The following ABCD2 variants were observed in gnomAD, a reference collection of about 807,000 sequenced individuals.
The protein encoded by ABCD2 is ATP binding cassette subfamily D member 2, also known as ATP-binding cassette sub-family D member 2.
In ABCD2, 36 loss-of-function variants were observed where a neutral mutation model predicts 70.9. The observed-to-expected ratio is 0.51, with a 90% CI of 0.39 to 0.67. The LOEUF (loss-of-function observed/expected upper bound fraction) is 0.67, where lower values mean the gene tolerates loss of function less well. Ranked by LOEUF, ABCD2 falls within the 30% of genes least tolerant of loss-of-function variation. ABCD2 has a pLI of 0.00. For synonymous variants in ABCD2, 304 were observed against 306.9 expected (o/e 0.99, Z 0.10); for missense variants, 729 against 890.2 (o/e 0.82, Z 2.30).
chr12:39,575,976 C>G (rs1004006078), intron 8 of ABCD2, among the ~76,000 whole-genome samples: 2 of 152,148 alleles, frequency 1.3e-5, no homozygotes, highest in Non-Finnish European at 2.9e-5. Context: ...CTATTTATTA[C>G]AAGGTTTATT....
chr12:39,563,436 G>A (rs1441395919), intron 9 of ABCD2, among the ~76,000 whole-genome samples: 13 of 151,932 alleles, frequency 8.6e-5, no homozygotes, highest in Admixed American at 7.9e-4. Context: ...TGTAAGATAC[G>A]GAACAAGGTA....
At chr12:39,579,976 A>G (rs1038831844) in intron 7 of ABCD2, among the ~76,000 whole-genome samples, 2 of 152,230 alleles carry the variant, frequency 1.3e-5, no homozygotes, top group African/African-American at 4.8e-5. Context: ...TGTCAATTAC[A>G]AAGTCTACAA....
downstream of ABCD2, among the ~76,000 whole-genome samples, chr12:39,548,779 T>G (rs1941051185): frequency 6.6e-6 from 1 of 151,928 alleles, no homozygotes; most frequent in African/African-American, 2.4e-5. Flanking sequence ...TTAATATTAT[T>G]TCATGTTTAT....
At chr12:39,607,512 A>G in intron 3 of ABCD2, 87 bp downstream of exon 3, 2 of 1,136,722 alleles carry the variant, frequency 1.8e-6, no homozygotes, top group South Asian at 1.4e-5. Context: ...TATGTTTCCA[A>G]AATACTAAGT....
chr12:39,535,131 G>C, the ABCD2 span, among the ~76,000 whole-genome samples: 5 of 151,564 alleles, frequency 3.3e-5, no homozygotes, highest in African/African-American at 9.7e-5. Context: ...CTTAAATATT[G>C]TGCCCCTTTA....
At chr12:39,602,957 G>C (rs1941921186) in intron 5 of ABCD2, among the ~76,000 whole-genome samples, 1 of 151,956 alleles carries the variant, frequency 6.6e-6, no homozygotes, top group African/African-American at 2.4e-5. Flanking sequence ...TGGTGCTTGT[G>C]GTCAGATCCT....
At chr12:39,602,891 A>G (rs73096560) in intron 5 of ABCD2, among the ~76,000 whole-genome samples, 1 of 152,146 alleles carries the variant, frequency 6.6e-6, no homozygotes, top group South Asian at 2.1e-4. Context: ...TAAATTATAA[A>G]TTATGAAACC....
intron 2 of ABCD2, among the ~76,000 whole-genome samples, chr12:39,608,872 T>G (rs1342209169): frequency 6.6e-6 from 1 of 152,166 alleles, no homozygotes; most frequent in African/African-American, 2.4e-5. Flanking sequence ...TCTACCTTTC[T>G]CAACCATCCT....
At chr12:39,588,444 G>A (rs1308888539) in intron 6 of ABCD2, among the ~76,000 whole-genome samples, 1 of 152,112 alleles carries the variant, frequency 6.6e-6, no homozygotes, top group African/African-American at 2.4e-5. Context: ...GGAAAGAAAA[G>A]AAAGCCACGT....
At chr12:39,588,061 C>T (rs971548515) in intron 6 of ABCD2, among the ~76,000 whole-genome samples, 1 of 152,062 alleles carries the variant, frequency 6.6e-6, no homozygotes, top group East Asian at 1.9e-4. Context: ...ATGTTAGGAG[C>T]AAGGGTTCTC....
the ABCD2 span, among the ~76,000 whole-genome samples, chr12:39,531,742 G>T: frequency 6.6e-6 from 1 of 152,190 alleles, no homozygotes; most frequent in Non-Finnish European, 1.5e-5. Context: ...TTTGTGAGGG[G>T]CTGTCCCAGA....
chr12:39,585,909 T>C (rs909168948), intron 7 of ABCD2, among the ~76,000 whole-genome samples: 1 of 152,140 alleles, frequency 6.6e-6, no homozygotes, highest in African/African-American at 2.4e-5. Flanking sequence ...AGAAAAAAAC[T>C]GTTTTTAAAT....
chr12:39,583,572 T>C (rs867378772), intron 7 of ABCD2, among the ~76,000 whole-genome samples: 1 of 152,336 alleles, frequency 6.6e-6, no homozygotes, highest in Middle Eastern at 3.4e-3. Context: ...CTTACATAGG[T>C]AAACACGTTT....
the ABCD2 span, among the ~76,000 whole-genome samples, chr12:39,540,596 A>AT: frequency 3.9e-5 from 6 of 152,196 alleles, no homozygotes; most frequent in Non-Finnish European, 8.8e-5. Context: ...AGAGTCTAGC[A>AT]TTTTTTAAAG....
intron 8 of ABCD2, among the ~76,000 whole-genome samples, chr12:39,578,246 G>C (rs549254266): frequency 3.1e-4 from 47 of 152,196 alleles, no homozygotes; most frequent in Non-Finnish European, 6.0e-4. Flanking sequence ...AGGCCGAGGC[G>C]GGCGGATCAC....
In ABCD2 at chr12:39,552,245, TG is replaced by T. The variant is rs1941098237; in HGVS notation, c.*1666del. 1 of 151,894 alleles carries T rather than the reference TG, an allele frequency of 6.6e-6. No homozygotes were observed. The highest frequency in any genetic ancestry group is 6.6e-5 in the Admixed American group (1 of 15,228). The allele number at this position is 151,894 out of a possible 1,614,324, so 9.4% of individuals were successfully genotyped here. The stretch of plus-strand genomic sequence containing the variant: ...CTAGCTATCATGGCAGAATTGAAAA[TG>T]TAGAAATGTTATGATGTTCTATAAC... On this transcript the variant is annotated 3_prime_UTR_variant, in exon 10 of 10. Coordinates refer to ENST00000308666, the MANE Select transcript of ABCD2 (RefSeq NM_005164.4).
intron 9 of ABCD2, among the ~76,000 whole-genome samples, chr12:39,568,153 G>C (rs761874327): frequency 3.3e-5 from 5 of 151,942 alleles, no homozygotes; most frequent in East Asian, 1.9e-4. Flanking sequence ...TCTGTATTTC[G>C]TGAATTTGAA....
intron 4 of ABCD2, 93 bp from the exon 5 acceptor site, chr12:39,604,099 T>A: frequency 1.2e-6 from 1 of 815,414 alleles, no homozygotes; most frequent in Non-Finnish European, 1.9e-6. Flanking sequence ...GTAATTTCAA[T>A]TATAAAGATA....
intron 9 of ABCD2, among the ~76,000 whole-genome samples, chr12:39,556,891 G>A (rs1448566076): frequency 6.6e-6 from 1 of 151,958 alleles, no homozygotes; most frequent in Non-Finnish European, 1.5e-5. Context: ...GGCTGAGGCA[G>A]GGAATTGCTT....
Sources: gnomAD v4.1 joint callset for allele counts (sites outside exome capture counted in the v4.1 genomes callset) on GRCh38, gnomAD v4.1.1 for gene constraint, MANE v1.5 for transcripts, NCBI Gene and HGNC (gene_info 2026-07-23, HGNC 2026-07-21) for gene names.